Variants in SH3GLB2 observed in about 807,000 individuals in gnomAD.
The protein encoded by SH3GLB2 is endophilin-B2.
SH3GLB2 carries 24 observed loss-of-function variants against 48.0 expected under a neutral mutation model. That is an observed-to-expected ratio of 0.50 (90% CI 0.36 to 0.70). The LOEUF (loss-of-function observed/expected upper bound fraction) is 0.70, where lower values mean the gene tolerates loss of function less well. SH3GLB2 is among the 30% of genes least tolerant of loss of function. The pLI is 0.00. For synonymous variants in SH3GLB2, 227 were observed against 207.6 expected, an observed-to-expected ratio of 1.09 and a Z score of -0.80; for missense variants, 425 against 516.0, an observed-to-expected ratio of 0.82 and a Z score of 1.71.
rs946224575 is a variant in SH3GLB2 at position 129,007,479 on chromosome 9, T to A, written c.*1205A>T. On this transcript the variant is annotated 3_prime_UTR_variant, in exon 11 of 11. Coordinates refer to ENST00000372564, the MANE Select transcript of SH3GLB2 (RefSeq NM_020145.4). Reference sequence around the variant, plus strand: ...TGGGGCCTACTGGCTGTTGGCCTTCTCAGGACTGAAGTCAGAATGCTAGGT... The same window carrying A: ...TGGGGCCTACTGGCTGTTGGCCTTCACAGGACTGAAGTCAGAATGCTAGGT... The A allele has an allele frequency of 6.6e-6, 1 of 152,074 alleles. No individual in the cohort carries two copies. Among genetic ancestry groups the A allele is most frequent in the African/African-American group, 2.4e-5 (1 of 41,404 alleles). 9.4% of individuals were successfully genotyped at this position (152,074 alleles called of 1,614,324 possible).
intron 10 of SH3GLB2, 126 bp from the exon 11 acceptor site, chr9:129,008,917 C>A: frequency 7.9e-7 from 1 of 1,260,374 alleles, no homozygotes. Context: ...CAGTGGCTGG[C>A]GCTCATCTCA....
At chr9:129,024,643 CG>C (rs1330626355) in intron 1 of SH3GLB2, among the ~76,000 whole-genome samples, 1 of 151,234 alleles carries the variant, frequency 6.6e-6, no homozygotes, top group African/African-American at 2.4e-5. Context: ...GCCCAGGAGG[CG>C]GAGGTTGCAA....
In SH3GLB2 at chr9:129,014,446, G is replaced by T; in HGVS notation, c.526C>A (p.Leu176Met). ...GCTTCTGCAGCCTTGGCCTTCTTCA[G>T]CCTCGCTTTGCAGGCATCCAAGTCC... ...RLDLDACKARLKKAKAAEAKA... is the reference protein window; with the variant it reads ...RLDLDACKARMKKAKAAEAKA... Residue 176 changes from leucine to methionine, a missense_variant, in exon 5 of 11, where the codon CTG becomes ATG. By Grantham distance (15) the Leu-to-Met change is conservative. Coordinates refer to ENST00000372564, the MANE Select transcript of SH3GLB2 (RefSeq NM_020145.4). The surrounding 1 kb of genome is among the most constrained non-coding windows in gnomAD (Gnocchi z 4.1). 6.4e-7 allele frequency: 1 copy of T among 1,550,530 alleles called. No homozygotes were observed.
intron 5 of SH3GLB2, chr9:129,012,597 C>A (rs1297283231): frequency 1.7e-5 from 7 of 423,280 alleles, no homozygotes; most frequent in East Asian, 3.6e-5. Flanking sequence ...CTGGGCTCTC[C>A]CCTGCCAGGG....
At chr9:129,023,790 C>A (rs1410488986) in intron 1 of SH3GLB2, among the ~76,000 whole-genome samples, 1 of 152,188 alleles carries the variant, frequency 6.6e-6, no homozygotes, top group Non-Finnish European at 1.5e-5. Context: ...GGGGTATGGC[C>A]TCAGCTCCTG....
At chr9:129,020,205 CCAAAAAAA>C (rs1843697434) in intron 3 of SH3GLB2, among the ~76,000 whole-genome samples, 1 of 34,602 alleles carries the variant, frequency 2.9e-5, no homozygotes, top group Admixed American at 5.0e-4. Flanking sequence ...AACTCCATCT[CCAAAAAAA>C]AAAAAAAAAA....
In SH3GLB2 at chr9:129,010,177, C is replaced by T. The variant is rs754465913; in HGVS notation, c.681G>A (p.Glu227=). 6.2e-7 allele frequency: 1 copy of T among 1,614,074 alleles called. No individual in the cohort carries two copies. Among genetic ancestry groups the T allele is most frequent in the Non-Finnish European group, 8.5e-7 (1 of 1,180,000 alleles). Residue 227 remains glutamate, a synonymous_variant, in exon 8 of 11, where the codon GAG becomes GAA. Transcript: ENST00000372564. ...GGGTCACTTCTGCTTGCCGGTCAAACTCTGTCTGGGCCACGCGGAGCTCCT... is the reference window on the plus strand; with the variant it reads ...GGGTCACTTCTGCTTGCCGGTCAAATTCTGTCTGGGCCACGCGGAGCTCCT... ...AEQELRVAQT[E]FDRQAEVTRL... is the part of the protein sequence containing the mutation.
In SH3GLB2 at chr9:129,025,587, G is replaced by A. The variant is rs574608379; in HGVS notation, c.63+2505C>T. On this transcript the variant is annotated intron_variant, in intron 1 of 10. Transcript: ENST00000372564. Reference sequence around the variant, plus strand: ...TCTCAAAAAAAAAAAAGGAAGGAAAGAAGAAAGGAGAGAGGGACTAAGGGA... The same window carrying A: ...TCTCAAAAAAAAAAAAGGAAGGAAAAAAGAAAGGAGAGAGGGACTAAGGGA... Among the ~76,000 whole-genome samples the A allele has an allele frequency of 7.3e-3, 427 of 58,302 alleles. 1 individual carries two copies. The highest frequency in any genetic ancestry group is 0.014 in the Non-Finnish European group (332 of 24,584). The allele number at this position is 58,302 out of a possible 152,430, so 38.2% of individuals were successfully genotyped here. A position where few individuals can be genotyped will look rare whatever the true frequency, so the allele number is the denominator to read the frequency against.
chr9:129,009,533 C>T, intron 9 of SH3GLB2, 187 bp from the exon 10 acceptor site: 1 of 1,548,000 alleles, frequency 6.5e-7, no homozygotes, highest in African/African-American at 1.4e-5. Context: ...TGGTCCCTGC[C>T]ATCCTCCCCA....
At chr9:129,012,855 C>A (rs77536976) in intron 5 of SH3GLB2, 51 of 921,738 alleles carry the variant, frequency 5.5e-5, no homozygotes, top group Middle Eastern at 5.5e-4. Flanking sequence ...GGCATCCCCC[C>A]CTAAACCAGA....
At chr9:129,023,413 G>A (rs2131297101) in intron 1 of SH3GLB2, among the ~76,000 whole-genome samples, 1 of 152,256 alleles carries the variant, frequency 6.6e-6, no homozygotes, top group East Asian at 1.9e-4. Flanking sequence ...TTTCCAAACG[G>A]GGACACCAAG....
Position 129,012,255 on chromosome 9 carries a change from A to G in SH3GLB2, c.605T>C (p.Leu202Pro). The G allele has an allele frequency of 7.7e-7, 1 of 1,298,872 alleles. No homozygotes were observed. Among genetic ancestry groups the G allele is most frequent in the African/African-American group, 1.5e-5 (1 of 66,184 alleles). The allele number at this position is 1,298,872 out of a possible 1,614,324, so 80.5% of individuals were successfully genotyped here. A position where few individuals can be genotyped will look rare whatever the true frequency, so the allele number is the denominator to read the frequency against. The change falls in exon 6 of 11, where the codon CTC becomes CCC. Residue 202 changes from leucine to proline, a missense_variant. Transcript: ENST00000372564. ...GCTTACCGCGGAGGCGCTGGCCGAG[A>G]GAATGTAATTACGAGGTCTAGTCTC... is the stretch of plus-strand genomic sequence containing the variant. ...FQETRPRNYILSASASALWND... is the reference protein window; with the variant it reads ...FQETRPRNYIPSASASALWND...
intron 3 of SH3GLB2, among the ~76,000 whole-genome samples, chr9:129,016,320 G>C (rs1018384149): frequency 1.5e-5 from 2 of 129,414 alleles, no homozygotes; most frequent in Admixed American, 9.1e-5. Flanking sequence ...TCCAGCCTGG[G>C]CAACAAGAGC....
intron 1 of SH3GLB2, among the ~76,000 whole-genome samples, chr9:129,026,591 G>T (rs1203772446): frequency 6.9e-6 from 1 of 145,496 alleles, no homozygotes. Context: ...TCCCACTCCA[G>T]TAACAGTGAC....
chr9:129,008,966 CAG>C, intron 10 of SH3GLB2, 138 bp downstream of exon 10: 3 of 1,422,126 alleles, frequency 2.1e-6, no homozygotes, highest in Non-Finnish European at 2.9e-6. Context: ...ATCCTTTCCT[CAG>C]AGCTGGATAT....
At chr9:129,020,507 G>A (rs1843719460) in intron 3 of SH3GLB2, among the ~76,000 whole-genome samples, 2 of 148,104 alleles carry the variant, frequency 1.4e-5, no homozygotes, top group African/African-American at 5.0e-5. Context: ...AGGCAGGGGC[G>A]TTGCAGTGAG....
intron 1 of SH3GLB2, among the ~76,000 whole-genome samples, chr9:129,024,281 G>T (rs1049892371): frequency 8.2e-6 from 1 of 122,342 alleles, no homozygotes; most frequent in African/African-American, 3.1e-5. Flanking sequence ...AAAAAAAAAA[G>T]CCCGGCACGG....
At position 129,014,008 on chromosome 9, in the gene SH3GLB2, C is replaced by A; in HGVS notation, c.561+403G>T. ...CAGGTTTTCCACACCATCGTGGGGG[C>A]GCCTGAGCACAGGGACCCTCGGCCT... On this transcript the variant is annotated intron_variant, in intron 5 of 10. Coordinates refer to ENST00000372564, the MANE Select transcript of SH3GLB2 (RefSeq NM_020145.4). The surrounding 1 kb of genome is among the most constrained non-coding windows in gnomAD (Gnocchi z 4.1). 2.1e-6 allele frequency: 1 copy of A among 467,908 alleles called. No homozygotes were observed. The highest frequency in any genetic ancestry group is 1.5e-5 in the South Asian group (1 of 64,652). 29.0% of individuals were successfully genotyped at this position (467,908 alleles called of 1,614,324 possible).
intron 8 of SH3GLB2, 75 bp downstream of exon 8, chr9:129,010,045 T>G: frequency 6.7e-7 from 1 of 1,501,776 alleles, no homozygotes; most frequent in Non-Finnish European, 9.3e-7. Context: ...GGGGCAGCCC[T>G]GCTGACCTTG....
Sources: gnomAD v4.1 joint callset for allele counts (sites outside exome capture counted in the v4.1 genomes callset) on GRCh38, gnomAD v4.1.1 for gene constraint, Gnocchi (gnomAD v3.1) non-coding constraint, MANE v1.5 for transcripts, NCBI Gene and HGNC (gene_info 2026-07-23, HGNC 2026-07-21) for gene names.